CHIT1: variants seen among roughly 807,000 people sequenced by gnomAD.
CHIT1 encodes chitotriosidase-1.
In CHIT1, 47 loss-of-function variants were observed where a neutral mutation model predicts 52.0. That is an observed-to-expected ratio of 0.90 (90% CI 0.71 to 1.15). The LOEUF is 1.15. Ranked by LOEUF, CHIT1 falls within the 50% of genes most tolerant of loss-of-function variation. The pLI is 0.00. For missense variants in CHIT1, 569 were observed against 583.0 expected, an observed-to-expected ratio of 0.98 and a Z score of 0.25; for synonymous variants, 242 against 228.2, an observed-to-expected ratio of 1.06 and a Z score of -0.54.
At chr1:203,219,593 G>A (rs2102232776) in intron 8 of CHIT1, 71 bp downstream of exon 8, 3 of 1,553,798 alleles carry the variant, frequency 1.9e-6, no homozygotes, top group Non-Finnish European at 2.7e-6. Flanking sequence ...AACGGTGGGA[G>A]AAGGAAACCT....
chr1:203,218,021 T>C, intron 9 of CHIT1, 156 bp from the exon 10 acceptor site: 1 of 1,533,828 alleles, frequency 6.5e-7, no homozygotes, highest in Non-Finnish European at 8.7e-7. Flanking sequence ...GCTGGGAGCC[T>C]GGATGCTGAG....
intron 1 of CHIT1, among the ~76,000 whole-genome samples, 156 bp from the exon 2 acceptor site, chr1:203,228,718 C>T (rs1372563208): frequency 1.3e-5 from 2 of 152,118 alleles, no homozygotes; most frequent in East Asian, 3.9e-4. Flanking sequence ...GCACTGTGCC[C>T]ATCCCTTCAT....
chr1:203,222,380 CCTT>C (rs1228673981), intron 6 of CHIT1, 55 bp from the exon 7 acceptor site: 3 of 1,612,868 alleles, frequency 1.9e-6, no homozygotes, highest in Admixed American at 3.3e-5. Context: ...GTGGGGTAGC[CCTT>C]CTTTCTCACT....
intron 9 of CHIT1, 106 bp from the exon 10 acceptor site, chr1:203,217,971 C>G (rs1656598988): frequency 6.5e-7 from 1 of 1,540,546 alleles, no homozygotes; most frequent in African/African-American, 1.4e-5. Flanking sequence ...CCAGCAGCCT[C>G]AGGCCTGTGA....
intron 9 of CHIT1, chr1:203,218,133 G>C (rs758401351): frequency 5.6e-6 from 8 of 1,437,844 alleles, no homozygotes; most frequent in Non-Finnish European, 6.4e-6. Flanking sequence ...AGTGTCAGTT[G>C]TGTGCACCTC....
intron 2 of CHIT1, 94 bp from the exon 3 acceptor site, chr1:203,225,964 T>G (rs1324339242): frequency 7.5e-7 from 1 of 1,327,646 alleles, no homozygotes; most frequent in East Asian, 2.5e-5. Context: ...TCCTTGGACC[T>G]CCCTCTTCTA....
chr1:203,219,890 C>T, intron 7 of CHIT1, 41 bp from the exon 8 acceptor site: 2 of 1,607,846 alleles, frequency 1.2e-6, no homozygotes, highest in African/African-American at 2.7e-5. Flanking sequence ...AGCCCTCAGC[C>T]TGGTTCTGAT....
Position 203,219,258 on chromosome 1 carries a change from G to A in CHIT1, c.987C>T (p.Asn329=), listed in dbSNP as rs1162296791. The A allele has an allele frequency of 6.2e-7, 1 of 1,603,222 alleles. No homozygotes were observed. Among genetic ancestry groups the A allele is most frequent in the Non-Finnish European group, 8.5e-7 (1 of 1,171,110 alleles). The change falls in exon 9 of 11, where the codon AAC becomes AAT. Residue 329 remains asparagine, a synonymous_variant. Coordinates refer to ENST00000367229, the MANE Select transcript of CHIT1 (RefSeq NM_003465.3). The part of the protein sequence containing the change: ...DQKVPYIFRD[N]QWVGFDDVES... ...CCACATCATCAAAGCCCACCCACTG[G>A]TTGTCCCGGAAGATGTAGGGCACCT...
chr1:203,223,299 C>CCAGG (rs1656807104), intron 5 of CHIT1, 40 bp from the exon 6 acceptor site: 2 of 1,611,364 alleles, frequency 1.2e-6, no homozygotes, highest in Non-Finnish European at 1.7e-6. Flanking sequence ...GGGGCGCGCA[C>CCAGG]CAGGCAGGCA....
chr1:203,228,095 C>T (rs915789302), intron 2 of CHIT1, among the ~76,000 whole-genome samples: 4 of 152,204 alleles, frequency 2.6e-5, no homozygotes, highest in Non-Finnish European at 5.9e-5. Context: ...GTGTTGTCCT[C>T]GCAGAGCTAA....
intron 4 of CHIT1, among the ~76,000 whole-genome samples, chr1:203,224,791 G>A (rs780780180): frequency 7.9e-5 from 12 of 152,186 alleles, no homozygotes; most frequent in Non-Finnish European, 1.5e-4. Flanking sequence ...GGAGAGGTCT[G>A]AGCCCTCTGC....
At chr1:203,219,523 G>C in intron 8 of CHIT1, 141 bp downstream of exon 8, 1 of 1,096,006 alleles carries the variant, frequency 9.1e-7, no homozygotes, top group South Asian at 1.3e-5. Flanking sequence ...ATTCAAGATG[G>C]CATGGATGAG....
In CHIT1 at chr1:203,216,744, G is replaced by T; in HGVS notation, c.*145C>A. ...GAGACCCAGAAAAAAGGAAGGCAAGGCTGAGAGCAGAAAGCCTGGATAAAG... is the reference window on the plus strand; with the variant it reads ...GAGACCCAGAAAAAAGGAAGGCAAGTCTGAGAGCAGAAAGCCTGGATAAAG... On this transcript the variant is annotated 3_prime_UTR_variant, in exon 11 of 11. Transcript: ENST00000367229. 1.8e-6 allele frequency: 2 copies of T among 1,102,966 alleles called. No individual in the cohort carries two copies. Among genetic ancestry groups the T allele is most frequent in the Non-Finnish European group, 2.7e-6 (2 of 734,818 alleles). 68.3% of individuals were successfully genotyped at this position (1,102,966 alleles called of 1,614,324 possible).
intron 4 of CHIT1, among the ~76,000 whole-genome samples, chr1:203,223,872 C>T (rs1445806524): frequency 6.6e-6 from 1 of 152,030 alleles, no homozygotes; most frequent in Non-Finnish European, 1.5e-5. Flanking sequence ...CACTTTCTAC[C>T]CCCGAACATC....
rs2275533 is a variant in CHIT1 at position 203,219,261 on chromosome 1, G to A, written c.984C>T (p.Asp328=). Residue 328 remains aspartate (D), a synonymous_variant, in exon 9 of 11, where the codon GAC becomes GAT. Coordinates refer to ENST00000367229, the MANE Select transcript of CHIT1 (RefSeq NM_003465.3). ...CATCATCAAAGCCCACCCACTGGTTGTCCCGGAAGATGTAGGGCACCTTCT... is the reference window on the plus strand; with the variant it reads ...CATCATCAAAGCCCACCCACTGGTTATCCCGGAAGATGTAGGGCACCTTCT... ...QDQKVPYIFR[D]NQWVGFDDVE... is the part of the protein sequence containing the mutation. 5.2e-4 allele frequency: 835 copies of A among 1,603,334 alleles called. 15 individuals are homozygous for A. The East Asian group carries it at 0.018, about 35-fold the overall frequency.
In CHIT1 at chr1:203,217,777, C is replaced by T. The variant is rs754408295; in HGVS notation, c.1118G>A (p.Gly373Asp). ...DDFAGFSCNQ[G>D]RYPLIQTLRQ... ...TAGCGTCTGGATGAGGGGGTATCGG[C>T]CCTGGTTGCAGGAGAAGCCGGCAAA... is the stretch of plus-strand genomic sequence containing the variant. Residue 373 changes from glycine (G) to aspartate (D), a missense_variant, in exon 10 of 11, where the codon GGC becomes GAC. Coordinates refer to ENST00000367229, the MANE Select transcript of CHIT1 (RefSeq NM_003465.3). 1.9e-5 allele frequency: 31 copies of T among 1,610,964 alleles called. No individual in the cohort carries two copies. The highest frequency in any genetic ancestry group is 2.6e-5 in the Non-Finnish European group (31 of 1,178,776).
rs1656659961 is a variant in CHIT1, at chr1:203,219,652, G to T, written c.915+12C>A. 2 of 1,613,964 alleles carry T rather than the reference G, an allele frequency of 1.2e-6. No homozygotes were observed. The highest frequency in any genetic ancestry group is 1.7e-6 in the Non-Finnish European group (2 of 1,179,968). On this transcript the variant is annotated intron_variant, in intron 8 of 10. Transcript: ENST00000367229. Reference sequence around the variant, plus strand: ...CCCTCACAATACCCAGGGTGGTTATGGGTTTTCCTACTTCATAGTAGGCCA... The same window carrying T: ...CCCTCACAATACCCAGGGTGGTTATTGGTTTTCCTACTTCATAGTAGGCCA...
Position 203,225,882 on chromosome 1 carries a change from G to C in CHIT1, c.56-12C>G. 6.2e-7 allele frequency: 1 copy of C among 1,614,018 alleles called. No homozygotes were observed. On this transcript the variant is annotated splice_polypyrimidine_tract_variant and intron_variant, in intron 2 of 10. Transcript: ENST00000367229. ...TTTTGCAGCAGAGCCTGGCCCGTTG[G>C]AGTAAAGAAAAGGGATAGCTGTCAG...
At chr1:203,218,012 C>G in intron 9 of CHIT1, 147 bp from the exon 10 acceptor site, 1 of 1,534,388 alleles carries the variant, frequency 6.5e-7, no homozygotes, top group South Asian at 1.2e-5. Flanking sequence ...CAGCCTTGGG[C>G]TGGGAGCCTG....
Sources: gnomAD v4.1 joint callset for allele counts (sites outside exome capture counted in the v4.1 genomes callset) on GRCh38, gnomAD v4.1.1 for gene constraint, MANE v1.5 for transcripts, NCBI Gene and HGNC (gene_info 2026-07-23, HGNC 2026-07-21) for gene names.